Variants in STING1 observed in about 807,000 individuals in gnomAD.
STING1 encodes stimulator of interferon response cGAMP interactor 1.
STING1 carries 19 observed loss-of-function variants against 31.6 expected under a neutral mutation model. The ratio of observed to expected loss-of-function variants is 0.60; its 90% CI spans 0.42 to 0.88. The LOEUF is 0.88. Among genes scored for constraint, STING1 ranks in the 40% least tolerant of loss-of-function variants. The pLI, the probability that STING1 is intolerant of heterozygous loss-of-function variation, is 0.00. For missense variants in STING1, 371 were observed against 483.7 expected, an observed-to-expected ratio of 0.77 and a Z score of 2.19; for synonymous variants, 200 against 208.6, an observed-to-expected ratio of 0.96 and a Z score of 0.35.
rs140038439 is a variant in STING1, at chr5:139,477,491, C to T, written c.784G>A (p.Ala262Thr). ...QRAGTCVLEYATPLQTLFAMS... is the reference protein window; with the variant it reads ...QRAGTCVLEYTTPLQTLFAMS... ...GCAAACAAAGTCTGCAAGGGGGTGGCGTACTCCAGGACACAGGTGCCCGCC... is the reference window on the plus strand; with the variant it reads ...GCAAACAAAGTCTGCAAGGGGGTGGTGTACTCCAGGACACAGGTGCCCGCC... Residue 262 changes from alanine to threonine, a missense_variant, in exon 7 of 8, where the codon GCC becomes ACC. By Grantham distance (58) the Ala-to-Thr change is moderately conservative. Transcript: ENST00000330794. 5.1e-5 allele frequency: 82 copies of T among 1,614,036 alleles called. No individual in the cohort carries two copies. In the African/African-American group the frequency reaches 9.2e-4, roughly 18 times the overall value.
Position 139,481,909 on chromosome 5 carries a change from G to A in STING1, c.1-205C>T. 1 of 575,396 alleles carries A rather than the reference G, an allele frequency of 1.7e-6. No homozygotes were observed. The highest frequency in any genetic ancestry group is 3.0e-5 in the Admixed American group (1 of 33,068). 35.6% of individuals were successfully genotyped at this position (575,396 alleles called of 1,614,324 possible). ...GTCTCAGCGAGGTTTGCTGAAAACA[G>A]AGCAGGGCCTGCACATACACGCCCC... On this transcript the variant is annotated intron_variant, in intron 2 of 7. Transcript: ENST00000330794. The surrounding 1 kb of genome is among the most constrained non-coding windows in gnomAD (Gnocchi z 4.1).
chr5:139,479,848 C>CAAAAAAAAAAAAAAAAAAAAA (rs1168023127), intron 5 of STING1, among the ~76,000 whole-genome samples: 1 of 34,916 alleles, frequency 2.9e-5, no homozygotes, highest in African/African-American at 1.8e-4. Flanking sequence ...ACTAAAAATA[C>CAAAAAAAAAAAAAAAAAAAAA]AAAAAAAAAA....
At chr5:139,477,062 C>G (rs1353144817) in intron 7 of STING1, among the ~76,000 whole-genome samples, 1 of 152,190 alleles carries the variant, frequency 6.6e-6, no homozygotes. Flanking sequence ...CCAGTACATA[C>G]TGGCCTGGGA....
In STING1 at chr5:139,481,124, C is replaced by T; in HGVS notation, c.411+35G>A. ...CAGGTCACACCAGCCACAGCCACCA[C>T]TTGGCCAGAGCTTCTACCTCCCCCT... is the stretch of plus-strand genomic sequence containing the variant. On this transcript the variant is annotated intron_variant, in intron 4 of 7. Coordinates refer to ENST00000330794, the MANE Select transcript of STING1 (RefSeq NM_198282.4). This position sits in a 1 kb window ranked among gnomAD's most constrained non-coding sequence, Gnocchi z 4.1. 1 of 1,610,450 alleles carries T rather than the reference C, an allele frequency of 6.2e-7. No individual in the cohort carries two copies. Among genetic ancestry groups the T allele is most frequent in the Non-Finnish European group, 8.5e-7 (1 of 1,177,224 alleles).
rs902814614 is a variant in STING1, at chr5:139,481,972, G to A, written c.-1+238C>T. On this transcript the variant is annotated intron_variant, in intron 2 of 7. Transcript: ENST00000330794. The surrounding 1 kb of genome is among the most constrained non-coding windows in gnomAD (Gnocchi z 4.1). Reference sequence around the variant, plus strand: ...GGAGACCACAGGTGTGGTGAAGAAAGAAGGCAGCAACTATCCCAGACCCAG... The same window carrying A: ...GGAGACCACAGGTGTGGTGAAGAAAAAAGGCAGCAACTATCCCAGACCCAG... The A allele has an allele frequency of 9.0e-6, 4 of 444,000 alleles. No individual in the cohort carries two copies. Among genetic ancestry groups the A allele is most frequent in the African/African-American group, 7.9e-5 (4 of 50,738 alleles). The allele number at this position is 444,000 out of a possible 1,614,324, so 27.5% of individuals were successfully genotyped here. A position where few individuals can be genotyped will look rare whatever the true frequency, so the allele number is the denominator to read the frequency against.
intron 7 of STING1, among the ~76,000 whole-genome samples, 170 bp downstream of exon 7, chr5:139,477,159 G>T (rs934379637): frequency 2.2e-4 from 34 of 152,234 alleles, no homozygotes; most frequent in African/African-American, 7.5e-4. Context: ...TACAGTCAAA[G>T]ACCTAAAAAG....
In STING1 at chr5:139,475,956, C is replaced by T. The variant is rs889339166; in HGVS notation, c.*305G>A. On this transcript the variant is annotated 3_prime_UTR_variant, in exon 8 of 8. Coordinates refer to ENST00000330794, the MANE Select transcript of STING1 (RefSeq NM_198282.4). ...GCCCCATGAAAGACACCTGGCACAC[C>T]CCCTAAGTACACTAGCATCCAAAGT... 3.9e-6 allele frequency: 1 copy of T among 257,522 alleles called. No homozygotes were observed. Among genetic ancestry groups the T allele is most frequent in the African/African-American group, 2.2e-5 (1 of 45,696 alleles). The allele number at this position is 257,522 out of a possible 1,614,324, so 16.0% of individuals were successfully genotyped here.
At chr5:139,478,573 G>A in intron 5 of STING1, 65 bp from the exon 6 acceptor site, 1 of 1,433,188 alleles carries the variant, frequency 7.0e-7, no homozygotes, top group Non-Finnish European at 9.7e-7. Flanking sequence ...TCAGGAGTGA[G>A]ACCCAGGTCA....
At chr5:139,482,079 G>A (rs1289721568) in intron 2 of STING1, 131 bp downstream of exon 2, 1 of 179,650 alleles carries the variant, frequency 5.6e-6, no homozygotes, top group Non-Finnish European at 1.2e-5. Flanking sequence ...CCCACCCCAG[G>A]GAGGACCTTA....
intron 7 of STING1, among the ~76,000 whole-genome samples, chr5:139,477,065 G>A (rs1751683497): frequency 6.6e-6 from 1 of 152,152 alleles, no homozygotes; most frequent in South Asian, 2.1e-4. Context: ...GTACATACTG[G>A]CCTGGGACTC....
chr5:139,478,671 A>C, intron 5 of STING1, 163 bp from the exon 6 acceptor site: 1 of 650,798 alleles, frequency 1.5e-6, no homozygotes, highest in Non-Finnish European at 2.7e-6. Flanking sequence ...GCGCCTCCAA[A>C]AGCCCTCCCC....
At chr5:139,480,359 A>G (rs1751802461) in intron 5 of STING1, among the ~76,000 whole-genome samples, 1 of 152,124 alleles carries the variant, frequency 6.6e-6, no homozygotes, top group Non-Finnish European at 1.5e-5. Context: ...CGGCCTGGCC[A>G]ATACGGTGAA....
At chr5:139,476,688 TG>T (rs768932899) in intron 7 of STING1, among the ~76,000 whole-genome samples, 8 of 151,928 alleles carry the variant, frequency 5.3e-5, no homozygotes, top group Non-Finnish European at 1.0e-4. Flanking sequence ...AGGTAGATCA[TG>T]AGGTCAGGAA....
Position 139,476,202 on chromosome 5 carries a change from G to C in STING1, c.*59C>G, listed in dbSNP as rs978182102. ...CTGCTGGACATTCAGCCACTGAAGAGAGCCCCCAGTCCAGAGGCTTGGAGA... is the reference window on the plus strand; with the variant it reads ...CTGCTGGACATTCAGCCACTGAAGACAGCCCCCAGTCCAGAGGCTTGGAGA... On this transcript the variant is annotated 3_prime_UTR_variant, in exon 8 of 8. Coordinates refer to ENST00000330794, the MANE Select transcript of STING1 (RefSeq NM_198282.4). 1.5e-6 allele frequency: 2 copies of C among 1,359,764 alleles called. No individual in the cohort carries two copies. Among genetic ancestry groups the C allele is most frequent in the East Asian group, 2.5e-5 (1 of 39,776 alleles). 84.2% of individuals were successfully genotyped at this position (1,359,764 alleles called of 1,614,324 possible). A position where few individuals can be genotyped will look rare whatever the true frequency, so the allele number is the denominator to read the frequency against.
chr5:139,481,502 T>C lies in STING1; in HGVS notation c.203A>G (p.Glu68Gly). 6.2e-7 allele frequency: 1 copy of C among 1,613,878 alleles called. No individual in the cohort carries two copies. Among genetic ancestry groups the C allele is most frequent in the Non-Finnish European group, 8.5e-7 (1 of 1,179,980 alleles). ...LLLNGVCSLA[E>G]ELRHIHSRYR... Reference sequence around the variant, plus strand: ...CCTGGAGTGGATGTGGCGCAGCTCCTCAGCCAGGCTGCAGACCCCGTTTAA... The same window carrying C: ...CCTGGAGTGGATGTGGCGCAGCTCCCCAGCCAGGCTGCAGACCCCGTTTAA... The change falls in exon 3 of 8, where the codon GAG becomes GGG. Residue 68 changes from glutamate to glycine, a missense_variant. Physicochemically the swap from Glu to Gly is moderately conservative, Grantham distance 98. Coordinates refer to ENST00000330794, the MANE Select transcript of STING1 (RefSeq NM_198282.4). This position sits in a 1 kb window ranked among gnomAD's most constrained non-coding sequence, Gnocchi z 4.1.
At chr5:139,476,710 G>C (rs1190879224) in intron 7 of STING1, among the ~76,000 whole-genome samples, 1 of 151,994 alleles carries the variant, frequency 6.6e-6, no homozygotes, top group Non-Finnish European at 1.5e-5. Context: ...TTCAAGACCA[G>C]CCTGGCCAAT....
chr5:139,481,283 C>T lies in STING1; in HGVS notation c.287G>A (p.Gly96Glu). 1.2e-6 allele frequency: 2 copies of T among 1,613,380 alleles called. No individual in the cohort carries two copies. The highest frequency in any genetic ancestry group is 2.7e-5 in the African/African-American group (2 of 75,066). Residue 96 changes from glycine to glutamate, a missense_variant, in exon 4 of 8, where the codon GGG (glycine) becomes GAG (glutamate). Physicochemically the swap from Gly to Glu is moderately conservative, Grantham distance 98. Coordinates refer to ENST00000330794, the MANE Select transcript of STING1 (RefSeq NM_198282.4). This position sits in a 1 kb window ranked among gnomAD's most constrained non-coding sequence, Gnocchi z 4.1. The stretch of plus-strand genomic sequence containing the variant: ...ATAGATGGACAGCAGCAACAGGGCC[C>T]CACGGCGGAGGGGGCAGCCCAGGCA... ...RACLGCPLRR[G>E]ALLLLSIYFY... is the part of the protein sequence containing the mutation.
intron 4 of STING1, 32 bp from the exon 5 acceptor site, chr5:139,480,930 C>T (rs766982550): frequency 2.6e-6 from 4 of 1,511,186 alleles, no homozygotes; most frequent in Non-Finnish European, 3.7e-6. Flanking sequence ...TGGGGGGCCT[C>T]CATCAAGGAC....
chr5:139,476,551 C>G (rs1751666792), intron 7 of STING1, 97 bp from the exon 8 acceptor site: 1 of 1,124,412 alleles, frequency 8.9e-7, no homozygotes, highest in Non-Finnish European at 1.3e-6. Context: ...CTAACCCTCC[C>G]TACCCCCCTT....
Sources: allele counts gnomAD v4.1 joint callset (sites outside exome capture counted in the v4.1 genomes callset), GRCh38; gene constraint gnomAD v4.1.1; non-coding constraint Gnocchi (gnomAD v3.1); transcripts MANE v1.5; gene names NCBI Gene and HGNC (gene_info 2026-07-23, HGNC 2026-07-21).